The following HERC1 variants were observed in gnomAD, a reference collection of about 807,000 sequenced individuals.
The protein encoded by HERC1 is HECT and RLD domain containing E3 ubiquitin protein ligase family member 1.
HERC1 carries 160 observed loss-of-function variants against 554.3 expected under a neutral mutation model. That is an observed-to-expected ratio of 0.29 (90% CI 0.25 to 0.33). The LOEUF is 0.33. HERC1 is among the 10% of genes least tolerant of loss of function. The pLI, the probability that HERC1 is intolerant of heterozygous loss-of-function variation, is 1.00. For missense variants in HERC1, 4,919 were observed against 5,918.5 expected (o/e 0.83, Z 5.54); for synonymous variants, 2,175 against 2,131.7 (o/e 1.02, Z -0.56).
At chr15:63,615,688 G>C in intron 76 of HERC1, 80 bp downstream of exon 76, 1 of 1,113,220 alleles carries the variant, frequency 9.0e-7, no homozygotes, top group South Asian at 1.8e-5. Context: ...CATATTAGCA[G>C]ATTTTGGCAT....
intron 3 of HERC1, among the ~76,000 whole-genome samples, chr15:63,762,507 T>C (rs2075644911): frequency 6.6e-6 from 1 of 152,106 alleles, no homozygotes; most frequent in Non-Finnish European, 1.5e-5. Context: ...GTATTTTTAA[T>C]AGAGACTAGG....
chr15:63,672,430 G>C, intron 39 of HERC1, 66 bp downstream of exon 39: 1 of 1,144,726 alleles, frequency 8.7e-7, no homozygotes, highest in Non-Finnish European at 1.2e-6. Context: ...CTATTCATAT[G>C]AGGACAACTG....
chr15:63,787,426 G>T (rs994567456), intron 1 of HERC1, among the ~76,000 whole-genome samples: 5 of 152,090 alleles, frequency 3.3e-5, no homozygotes, highest in African/African-American at 1.2e-4. Flanking sequence ...CAAAGTGCTG[G>T]AATTTCAGGC....
chr15:63,783,042 G>A (rs958207158), intron 1 of HERC1, among the ~76,000 whole-genome samples: 4 of 152,156 alleles, frequency 2.6e-5, no homozygotes, highest in Admixed American at 2.0e-4. Context: ...AGATATTCCT[G>A]GTGAAGATGC....
intron 1 of HERC1, among the ~76,000 whole-genome samples, chr15:63,829,732 G>A (rs2078091478): frequency 6.6e-6 from 1 of 151,496 alleles, no homozygotes; most frequent in South Asian, 2.1e-4. Flanking sequence ...TGGAGAAGTA[G>A]TCGACTCCAG....
intron 61 of HERC1, 53 bp from the exon 62 acceptor site, chr15:63,638,829 G>T: frequency 8.0e-7 from 1 of 1,247,210 alleles, no homozygotes; most frequent in Non-Finnish European, 1.2e-6. Flanking sequence ...AGATGCACCT[G>T]CTCTTAACCA....
rs1162207137 is a variant in HERC1, at chr15:63,645,013, C to G, written c.11163G>C (p.Trp3721Cys). Residue 3721 changes from tryptophan (W) to cysteine (C), a missense_variant, in exon 57 of 78, where the codon TGG becomes TGC. Trp to Cys is a radical substitution (Grantham distance 215, BLOSUM62 -2). This residue lies in a region of HERC1 where 1,963 missense variants were observed against 2,228.6 expected (regional missense o/e 0.88). Transcript: ENST00000443617. The stretch of plus-strand genomic sequence containing the variant: ...TTACCTGGCAATTTGATTCCTGCTC[C>G]CACCATCCTTCTGCACTAGTCACAT... ...QTNVTSAEGW[W>C]EQESNCQDGY... 3 of 1,612,714 alleles carry G rather than the reference C, an allele frequency of 1.9e-6. No homozygotes were observed. The highest frequency in any genetic ancestry group is 2.5e-6 in the Non-Finnish European group (3 of 1,178,820).
At chr15:63,717,186 A>T (rs1385560356) in intron 21 of HERC1, among the ~76,000 whole-genome samples, 2 of 152,224 alleles carry the variant, frequency 1.3e-5, no homozygotes, top group Admixed American at 1.3e-4. Context: ...AGAGATGGGG[A>T]TACAGAGTAG....
intron 76 of HERC1, among the ~76,000 whole-genome samples, chr15:63,615,244 C>G (rs1174563929): frequency 6.6e-6 from 1 of 152,174 alleles, no homozygotes; most frequent in Non-Finnish European, 1.5e-5. Context: ...AAGACCAATT[C>G]AGAACCGATT....
chr15:63,720,602 G>A (rs952529355), intron 19 of HERC1, among the ~76,000 whole-genome samples: 1 of 151,980 alleles, frequency 6.6e-6, no homozygotes, highest in Admixed American at 6.6e-5. Context: ...GACTTATCCT[G>A]CTTTATCAGT....
chr15:63,609,523 G>C (rs2067496971), intron 77 of HERC1, among the ~76,000 whole-genome samples: 1 of 152,222 alleles, frequency 6.6e-6, no homozygotes, highest in Non-Finnish European at 1.5e-5. Flanking sequence ...GAGAAGCTCT[G>C]ACTGGCAGGA....
At chr15:63,813,345 C>T (rs957381234) in intron 1 of HERC1, among the ~76,000 whole-genome samples, 1 of 150,938 alleles carries the variant, frequency 6.6e-6, no homozygotes, top group South Asian at 2.1e-4. Context: ...CACACACACA[C>T]ACACAAACTC....
In HERC1 at chr15:63,628,805, C is replaced by T; in HGVS notation, c.12977G>A (p.Gly4326Asp). 6.2e-7 allele frequency: 1 copy of T among 1,612,784 alleles called. No homozygotes were observed. The highest frequency in any genetic ancestry group is 8.5e-7 in the Non-Finnish European group (1 of 1,179,496). Residue 4326 changes from glycine (G) to aspartate (D), a missense_variant, in exon 70 of 78, where the codon GGC becomes GAC. Physicochemically the swap from Gly to Asp is moderately conservative, Grantham distance 94. Transcript: ENST00000443617. ...GSNSEGQLGL[G>D]HTNHVREPTL... ...TGGTTCTCGAACATGGTTGGTATGG[C>T]CTAAGCCGAGCTGGGAATAAATCAC... is the stretch of plus-strand genomic sequence containing the variant.
At chr15:63,764,559 A>G (rs181007420) in intron 2 of HERC1, among the ~76,000 whole-genome samples, 2 of 152,286 alleles carry the variant, frequency 1.3e-5, no homozygotes, top group Admixed American at 6.5e-5. Flanking sequence ...CCCCATGGGT[A>G]TATTGCCCAC....
At chr15:63,683,695 C>T (rs750512574) in intron 34 of HERC1, among the ~76,000 whole-genome samples, 3 of 152,202 alleles carry the variant, frequency 2.0e-5, no homozygotes, top group Non-Finnish European at 4.4e-5. Flanking sequence ...GTTACCCAGG[C>T]TGGCATGCAG....
chr15:63,673,726 A>T (rs2071051467), intron 38 of HERC1, among the ~76,000 whole-genome samples: 1 of 152,148 alleles, frequency 6.6e-6, no homozygotes, highest in Non-Finnish European at 1.5e-5. Flanking sequence ...AATACTATGT[A>T]TTTTGGTTTG....
intron 13 of HERC1, 92 bp from the exon 14 acceptor site, chr15:63,733,237 C>T (rs769759420): frequency 2.8e-5 from 21 of 752,276 alleles, no homozygotes; most frequent in Non-Finnish European, 4.6e-5. Context: ...TACTAATCCA[C>T]TTACTAGCTT....
chr15:63,826,689 T>C (rs1466310424), intron 1 of HERC1, among the ~76,000 whole-genome samples: 1 of 149,346 alleles, frequency 6.7e-6, no homozygotes, highest in South Asian at 2.1e-4. Context: ...GTATTTCATT[T>C]TCAAGCTATA....
chr15:63,817,116 G>GA (rs908220631), intron 1 of HERC1, among the ~76,000 whole-genome samples: 5 of 150,754 alleles, frequency 3.3e-5, no homozygotes, highest in Non-Finnish European at 7.4e-5. Context: ...TAAAAAATAA[G>GA]AAAAAAAAGA....
Sources: allele counts gnomAD v4.1 joint callset (sites outside exome capture counted in the v4.1 genomes callset), GRCh38; gene constraint gnomAD v4.1.1; regional missense constraint gnomAD v4.1.1; transcripts MANE v1.5; gene names NCBI Gene and HGNC (gene_info 2026-07-23, HGNC 2026-07-21).